Variants in MYO3A observed in about 807,000 individuals in gnomAD.
The protein encoded by MYO3A is myosin-IIIa.
In MYO3A, 180 loss-of-function variants were observed where a neutral mutation model predicts 192.7. The observed-to-expected ratio is 0.93, with a 90% confidence interval of 0.83 to 1.06. The LOEUF is 1.06. Ranked by LOEUF, MYO3A falls within the 50% of genes least tolerant of loss-of-function variation. The probability of loss-of-function intolerance (pLI) is 0.00; values close to 1 mark genes in which losing one functional copy is unlikely to be tolerated. For missense variants in MYO3A, 1,896 were observed against 1,905.0 expected (o/e 1.00, Z 0.09); for synonymous variants, 628 against 645.3 (o/e 0.97, Z 0.41).
intron 10 of MYO3A, among the ~76,000 whole-genome samples, 194 bp from the exon 11 acceptor site, chr10:26,066,781 T>G (rs1834872667): frequency 6.6e-6 from 1 of 152,258 alleles, no homozygotes; most frequent in Admixed American, 6.5e-5. Flanking sequence ...AAGTAAATTC[T>G]GTAATTTGCA....
intron 4 of MYO3A, among the ~76,000 whole-genome samples, chr10:25,989,659 A>G (rs1309004085): frequency 1.3e-5 from 2 of 150,454 alleles, no homozygotes; most frequent in Non-Finnish European, 2.9e-5. Flanking sequence ...TAAGTATGCA[A>G]TTCATCTTAA....
chr10:26,007,679 T>A (rs981026129), intron 6 of MYO3A, among the ~76,000 whole-genome samples: 2 of 151,292 alleles, frequency 1.3e-5, no homozygotes, highest in Non-Finnish European at 2.9e-5. Context: ...TTACAAGGGA[T>A]GTAAAGGACC....
At chr10:26,152,637 G>A (rs563158056) in intron 23 of MYO3A, among the ~76,000 whole-genome samples, 2 of 152,258 alleles carry the variant, frequency 1.3e-5, no homozygotes, top group African/African-American at 2.4e-5. Context: ...CAGAAATTAA[G>A]GTCTATGCTA....
intron 20 of MYO3A, among the ~76,000 whole-genome samples, chr10:26,133,444 C>CA (rs757537512): frequency 2.0e-5 from 3 of 152,208 alleles, no homozygotes; most frequent in Non-Finnish European, 2.9e-5. Context: ...GACGGCCTCT[C>CA]AGGCTCTGTG....
At chr10:26,087,166 T>A (rs557288500) in intron 14 of MYO3A, among the ~76,000 whole-genome samples, 1 of 152,334 alleles carries the variant, frequency 6.6e-6, no homozygotes, top group South Asian at 2.1e-4. Flanking sequence ...CCAATGAAAA[T>A]GTTATCTCAC....
chr10:25,953,426 C>T (rs1309629598), intron 3 of MYO3A, among the ~76,000 whole-genome samples: 1 of 152,032 alleles, frequency 6.6e-6, no homozygotes, highest in Admixed American at 6.6e-5. Context: ...AAATGAGACT[C>T]AGTATGCCCA....
chr10:26,091,518 G>A (rs1366333425), intron 15 of MYO3A, among the ~76,000 whole-genome samples: 8 of 152,158 alleles, frequency 5.3e-5, no homozygotes, highest in Admixed American at 5.2e-4. Flanking sequence ...GTTTAGTTCA[G>A]CAAGCATTGA....
chr10:26,089,979 A>G (rs1304221635), intron 15 of MYO3A, among the ~76,000 whole-genome samples: 1 of 152,240 alleles, frequency 6.6e-6, no homozygotes, highest in East Asian at 1.9e-4. Flanking sequence ...AGTAAATGGC[A>G]GATACTATTT....
At chr10:26,123,770 C>CA (rs1304346878) in intron 18 of MYO3A, among the ~76,000 whole-genome samples, 8 of 151,920 alleles carry the variant, frequency 5.3e-5, no homozygotes, top group Admixed American at 1.3e-4. Context: ...ACTGAAAATA[C>CA]AAAAAAATAG....
intron 4 of MYO3A, among the ~76,000 whole-genome samples, chr10:25,979,676 A>G (rs2130786765): frequency 6.6e-6 from 1 of 152,272 alleles, no homozygotes; most frequent in East Asian, 1.9e-4. Flanking sequence ...TTCTTTTACC[A>G]CATAACTATA....
At chr10:25,941,316 A>G (rs555048329) in intron 2 of MYO3A, among the ~76,000 whole-genome samples, 4 of 152,340 alleles carry the variant, frequency 2.6e-5, no homozygotes, top group Admixed American at 2.6e-4. Flanking sequence ...TGGAGACATC[A>G]CCATAGAAAG....
rs1835887972 is a variant in MYO3A, at chr10:25,934,269, G to A, written c.-164G>A. 6.6e-6 allele frequency: 1 copy of A among 152,528 alleles called. No homozygotes were observed. Among genetic ancestry groups the A allele is most frequent in the South Asian group, 2.1e-4 (1 of 4,842 alleles). 9.4% of individuals were successfully genotyped at this position (152,528 alleles called of 1,614,324 possible). A position where few individuals can be genotyped will look rare whatever the true frequency, so the allele number is the denominator to read the frequency against. On this transcript the variant is annotated 5_prime_UTR_variant, in exon 1 of 35. Coordinates refer to ENST00000642920, the MANE Select transcript of MYO3A (RefSeq NM_017433.5). Reference sequence around the variant, plus strand: ...CGGCTGCCCCTGCCCGCCCCTCGAGGGAGCGCCCGTAGCCAGCGCCCCCGT... The same window carrying A: ...CGGCTGCCCCTGCCCGCCCCTCGAGAGAGCGCCCGTAGCCAGCGCCCCCGT...
intron 33 of MYO3A, 145 bp from the exon 34 acceptor site, chr10:26,202,819 C>T (rs984081136): frequency 1.1e-6 from 1 of 906,648 alleles, no homozygotes; most frequent in Non-Finnish European, 1.6e-6. Flanking sequence ...GTTTTTCCCA[C>T]ATTTCAAGAC....
intron 6 of MYO3A, among the ~76,000 whole-genome samples, chr10:26,013,610 A>G (rs572169901): frequency 6.6e-6 from 1 of 152,254 alleles, no homozygotes; most frequent in African/African-American, 2.4e-5. Context: ...AAAAAGTGTG[A>G]ATACAATAGA....
intron 10 of MYO3A, among the ~76,000 whole-genome samples, chr10:26,060,295 A>C (rs1339563129): frequency 1.7e-5 from 2 of 114,322 alleles, no homozygotes; most frequent in East Asian, 4.3e-4. Flanking sequence ...ATAAATAAAT[A>C]AATAAATTTA....
chr10:26,128,899 A>G (rs576449079), intron 20 of MYO3A, among the ~76,000 whole-genome samples: 2 of 152,324 alleles, frequency 1.3e-5, no homozygotes, highest in Admixed American at 6.5e-5. Flanking sequence ...TTGAAATTTC[A>G]ATATCCAGCT....
At chr10:26,190,862 G>T (rs951376549) in intron 31 of MYO3A, among the ~76,000 whole-genome samples, 3 of 152,096 alleles carry the variant, frequency 2.0e-5, no homozygotes, top group African/African-American at 7.2e-5. Context: ...AGACAAATCA[G>T]ATTGAATGGG....
intron 14 of MYO3A, among the ~76,000 whole-genome samples, chr10:26,077,826 C>G (rs1398662970): frequency 1.3e-5 from 2 of 151,968 alleles, no homozygotes; most frequent in African/African-American, 4.8e-5. Context: ...TGAAACCATC[C>G]CTGCATCCCT....
chr10:25,989,476 G>A (rs1260192499), intron 4 of MYO3A, among the ~76,000 whole-genome samples: 1 of 152,042 alleles, frequency 6.6e-6, no homozygotes, highest in Non-Finnish European at 1.5e-5. Context: ...ATGCTAGGCT[G>A]CACATACTCC....
Sources: allele counts gnomAD v4.1 joint callset (sites outside exome capture counted in the v4.1 genomes callset), GRCh38; gene constraint gnomAD v4.1.1; transcripts MANE v1.5; gene names NCBI Gene and HGNC (gene_info 2026-07-23, HGNC 2026-07-21).